The following C9orf152 variants were observed in gnomAD, a reference collection of about 807,000 sequenced individuals.
C9orf152 encodes chromosome 9 open reading frame 152, also known as uncharacterized protein C9orf152.
Under a neutral mutation model 8.5 loss-of-function variants are expected in C9orf152, and 8 were observed. The observed-to-expected ratio is 0.94, with a 90% CI of 0.55 to 1.70. The LOEUF (loss-of-function observed/expected upper bound fraction) is 1.70, where lower values mean the gene tolerates loss of function less well. Ranked by LOEUF, C9orf152 falls within the 40% of genes most tolerant of loss-of-function variation. C9orf152 has a pLI of 0.00. For synonymous variants in C9orf152, 109 were observed against 113.0 expected (o/e 0.96, Z 0.22); for missense variants, 293 against 286.2 (o/e 1.02, Z -0.17).
rs1263439066 is a variant in C9orf152 at position 110,201,011 on chromosome 9, G to A, written c.657C>T (p.Pro219=). ...GGGAGATCCTGGGTGTTTTCCTCTG[G>A]GGAAATGGATAGTAAGCTGGTTTGC... ...RSGKPAYYPF[P]QRKTPRISQA... The change falls in exon 2 of 2, where the codon CCC becomes CCT. Residue 219 remains proline (P), a synonymous_variant. Transcript: ENST00000400613. 8 of 1,614,024 alleles carry A rather than the reference G, an allele frequency of 5.0e-6. No homozygotes were observed. The highest frequency in any genetic ancestry group is 2.2e-5 in the East Asian group (1 of 44,894).
Position 110,201,410 on chromosome 9 carries a change from T to G in C9orf152, c.258A>C (p.Arg86Ser). The part of the protein sequence containing the change: ...VNAVWINKER[R>S]SSLSLEEADS... ...CTGCCTCTTCCAGGGACAGTGAGCT[T>G]CTTCTCTCCTTGTTAATCCAAACAG... Residue 86 changes from arginine (R) to serine (S), a missense_variant, in exon 2 of 2, where the codon AGA (arginine) becomes AGC (serine). Transcript: ENST00000400613. 1 of 1,559,752 alleles carries G rather than the reference T, an allele frequency of 6.4e-7. No homozygotes were observed. Among genetic ancestry groups the G allele is most frequent in the African/African-American group, 1.4e-5 (1 of 73,086 alleles).
intron 1 of C9orf152, among the ~76,000 whole-genome samples, chr9:110,206,058 C>A (rs1362606101): frequency 1.4e-5 from 2 of 144,892 alleles, no homozygotes; most frequent in African/African-American, 2.6e-5. Flanking sequence ...GAATCTGTCT[C>A]AAAAAAAAAA....
Position 110,207,584 on chromosome 9 carries a change from A to C in C9orf152, c.-5T>G. On this transcript the variant is annotated 5_prime_UTR_variant, in exon 1 of 2. Transcript: ENST00000400613. ...CGGGCAGGGCAACCCCTCCATCCGG[A>C]TCCGGGAGAAAAGCAAACACAGCTG... 1.9e-6 allele frequency: 3 copies of C among 1,574,040 alleles called. No individual in the cohort carries two copies. Among genetic ancestry groups the C allele is most frequent in the Non-Finnish European group, 2.6e-6 (3 of 1,163,446 alleles).
intron 1 of C9orf152, among the ~76,000 whole-genome samples, chr9:110,202,113 C>T (rs1380538106): frequency 6.6e-6 from 1 of 152,152 alleles, no homozygotes; most frequent in Non-Finnish European, 1.5e-5. Context: ...CAGAGTCTCA[C>T]TCTGTTGCCC....
At position 110,200,406 on chromosome 9, in the gene C9orf152, T is replaced by C. The variant is rs1837200803; in HGVS notation, c.*542A>G. ...ATACTTTGGGAAGCCCAAATTGAAATGATGTGATCACTGCCAATGAGTGTT... is the reference window on the plus strand; with the variant it reads ...ATACTTTGGGAAGCCCAAATTGAAACGATGTGATCACTGCCAATGAGTGTT... On this transcript the variant is annotated 3_prime_UTR_variant, in exon 2 of 2. Transcript: ENST00000400613. 1 of 152,528 alleles carries C rather than the reference T, an allele frequency of 6.6e-6. No homozygotes were observed. The highest frequency in any genetic ancestry group is 2.4e-5 in the African/African-American group (1 of 41,436). 9.4% of individuals were successfully genotyped at this position (152,528 alleles called of 1,614,324 possible). A position where few individuals can be genotyped will look rare whatever the true frequency, so the allele number is the denominator to read the frequency against.
chr9:110,203,391 A>C (rs72607177), intron 1 of C9orf152, among the ~76,000 whole-genome samples: 4,238 of 152,286 alleles, frequency 0.028, 305 homozygotes, highest in East Asian at 0.24. Flanking sequence ...GGGAGACACA[A>C]TGGGAGAACC....
At chr9:110,205,076 G>C (rs1837259405) in intron 1 of C9orf152, among the ~76,000 whole-genome samples, 1 of 151,984 alleles carries the variant, frequency 6.6e-6, no homozygotes, top group African/African-American at 2.4e-5. Flanking sequence ...TTTCATCCCA[G>C]TTTCTTATCA....
intron 1 of C9orf152, among the ~76,000 whole-genome samples, chr9:110,202,911 T>C (rs1401516902): frequency 6.6e-6 from 1 of 151,914 alleles, no homozygotes; most frequent in African/African-American, 2.4e-5. Flanking sequence ...CAACAATTAC[T>C]CTCCTGTCAA....
In C9orf152 at chr9:110,207,796, T is replaced by G; in HGVS notation, c.-217A>C. 7 of 479,076 alleles carry G rather than the reference T, an allele frequency of 1.5e-5. No individual in the cohort carries two copies. The highest frequency in any genetic ancestry group is 1.0e-4 in the South Asian group (3 of 29,036). 29.7% of individuals were successfully genotyped at this position (479,076 alleles called of 1,614,324 possible). On this transcript the variant is annotated 5_prime_UTR_variant, in exon 1 of 2. Coordinates refer to ENST00000400613, the MANE Select transcript of C9orf152 (RefSeq NM_001012993.3). Reference sequence around the variant, plus strand: ...GGAGAAATGTGGGGGAGGAGAAAGGTGGGAGACAGTGGCAGTAAGAGGAGA... The same window carrying G: ...GGAGAAATGTGGGGGAGGAGAAAGGGGGGAGACAGTGGCAGTAAGAGGAGA...
At chr9:110,202,087 G>T (rs1271248501) in intron 1 of C9orf152, among the ~76,000 whole-genome samples, 2 of 151,932 alleles carry the variant, frequency 1.3e-5, no homozygotes, top group East Asian at 3.9e-4. Context: ...TTGTTTGTTT[G>T]TTTGTTTTTT....
At chr9:110,203,693 G>T (rs997315079) in intron 1 of C9orf152, among the ~76,000 whole-genome samples, 7 of 152,166 alleles carry the variant, frequency 4.6e-5, no homozygotes, top group Non-Finnish European at 1.5e-5. Context: ...TATCTGTTTT[G>T]TTTTGGTTTT....
chr9:110,201,231 C>T lies in C9orf152; in HGVS notation c.437G>A (p.Gly146Glu). Residue 146 changes from glycine (G) to glutamate (E), a missense_variant, in exon 2 of 2, where the codon GGA (glycine) becomes GAA (glutamate). Gly to Glu is a moderately conservative substitution (Grantham distance 98). Transcript: ENST00000400613. ...TTCAGGAGGGAGCCTTTGATCAGAT[C>T]CCACAAGCTTGCCCCTATGATGTAC... ...HQVHHRGKLV[G>E]SDQRLPPEGD... 1 of 1,614,060 alleles carries T rather than the reference C, an allele frequency of 6.2e-7. No individual in the cohort carries two copies. The highest frequency in any genetic ancestry group is 1.3e-5 in the African/African-American group (1 of 75,004).
chr9:110,200,689 T>C lies in C9orf152; in HGVS notation c.*259A>G, dbSNP rs1837204503. ...CAAGGAATGGATATCCAGGACCTCA[T>C]AGTAATGTCAGAATGGGGCTGCACT... is the stretch of plus-strand genomic sequence containing the variant. On this transcript the variant is annotated 3_prime_UTR_variant, in exon 2 of 2. Coordinates refer to ENST00000400613, the MANE Select transcript of C9orf152 (RefSeq NM_001012993.3). 1 of 377,710 alleles carries C rather than the reference T, an allele frequency of 2.6e-6. No homozygotes were observed. The highest frequency in any genetic ancestry group is 6.9e-5 in the South Asian group (1 of 14,406). The allele number at this position is 377,710 out of a possible 1,614,324, so 23.4% of individuals were successfully genotyped here.
chr9:110,200,264 G>T lies in C9orf152; in HGVS notation c.*684C>A, dbSNP rs2118495848. 6.6e-6 allele frequency: 1 copy of T among 152,454 alleles called. No individual in the cohort carries two copies. Among genetic ancestry groups the T allele is most frequent in the African/African-American group, 2.4e-5 (1 of 41,376 alleles). The allele number at this position is 152,454 out of a possible 1,614,324, so 9.4% of individuals were successfully genotyped here. On this transcript the variant is annotated 3_prime_UTR_variant, in exon 2 of 2. Transcript: ENST00000400613. ...GGAAGGAAGGAGATAACTCTGTGAT[G>T]ATGCTGGAATGTACATGTCTCAGTG...
intron 1 of C9orf152, among the ~76,000 whole-genome samples, chr9:110,206,568 G>A (rs1187057125): frequency 6.6e-6 from 1 of 152,188 alleles, no homozygotes; most frequent in African/African-American, 2.4e-5. Context: ...CTTCAGCTCA[G>A]AGGTGCCACT....
Position 110,204,520 on chromosome 9 carries a change from A to G in C9orf152, c.193+2867T>C, listed in dbSNP as rs571023048. ...CCTGGGTCTTTTTGCTGCACTGGGC[A>G]CTGAGGATCACGGTCCTCTAAAATC... On this transcript the variant is annotated intron_variant, in intron 1 of 1. Coordinates refer to ENST00000400613, the MANE Select transcript of C9orf152 (RefSeq NM_001012993.3). 3.9e-5 allele frequency among the ~76,000 whole-genome samples: 6 copies of G among 152,334 alleles called. No individual in the cohort carries two copies. In the South Asian group the frequency reaches 1.2e-3, roughly 32 times the overall value.
chr9:110,203,871 G>A (rs992999277), intron 1 of C9orf152, among the ~76,000 whole-genome samples: 2 of 152,104 alleles, frequency 1.3e-5, no homozygotes, highest in African/African-American at 2.4e-5. Flanking sequence ...AGAGAAGAGC[G>A]AAGAGAGTGG....
chr9:110,206,199 T>C (rs1038181468), intron 1 of C9orf152, among the ~76,000 whole-genome samples: 6 of 151,812 alleles, frequency 4.0e-5, no homozygotes, highest in African/African-American at 1.5e-4. Flanking sequence ...CTAGTAATGA[T>C]GGGAAAGGGG....
At position 110,207,549 on chromosome 9, in the gene C9orf152, G is replaced by A. The variant is rs772847752; in HGVS notation, c.31C>T (p.Leu11=). ...GACCTAAGCTGCCAGAAGTGGGGCA[G>A]GGCTGGGCACGGGCAGGGCAACCCC... MEGLPCPCPA[L]PHFWQLRSHL... The change falls in exon 1 of 2, where the codon CTG becomes TTG. Residue 11 remains leucine (L), a synonymous_variant. Coordinates refer to ENST00000400613, the MANE Select transcript of C9orf152 (RefSeq NM_001012993.3). The A allele has an allele frequency of 1.2e-6, 2 of 1,604,100 alleles. No homozygotes were observed. The highest frequency in any genetic ancestry group is 1.1e-5 in the South Asian group (1 of 89,402).
Sources: allele counts gnomAD v4.1 joint callset (sites outside exome capture counted in the v4.1 genomes callset), GRCh38; gene constraint gnomAD v4.1.1; transcripts MANE v1.5; gene names NCBI Gene and HGNC (gene_info 2026-07-23, HGNC 2026-07-21).